The following NKD2 variants were observed in gnomAD, a reference collection of about 807,000 sequenced individuals.
NKD2 encodes NKD inhibitor of Wnt signaling pathway 2, also known as protein naked cuticle homolog 2.
In NKD2, 43 loss-of-function variants were observed where a neutral mutation model predicts 34.8. That is an observed-to-expected ratio of 1.24 (90% CI 0.97 to 1.60). NKD2 has a LOEUF of 1.60. NKD2 is among the 40% of genes most tolerant of loss of function. The pLI is 0.00. For synonymous variants in NKD2, 278 were observed against 265.1 expected (o/e 1.05, Z -0.47); for missense variants, 675 against 627.1 (o/e 1.08, Z -0.82).
At chr5:1,015,254 G>A (rs919109609) in intron 3 of NKD2, among the ~76,000 whole-genome samples, 1 of 152,238 alleles carries the variant, frequency 6.6e-6, no homozygotes, top group African/African-American at 2.4e-5. Context: ...CTGGTTGGCA[G>A]TGCCCACAGC....
chr5:1,022,340 G>C (rs1431571615), intron 3 of NKD2, among the ~76,000 whole-genome samples: 1 of 88,920 alleles, frequency 1.1e-5, no homozygotes, highest in African/African-American at 3.6e-5. Flanking sequence ...ACCCGCTGTG[G>C]GTGTCTCAGC....
At position 1,035,948 on chromosome 5, in the gene NKD2, C is replaced by A. The variant is rs1003212312; in HGVS notation, c.660-309C>A. On this transcript the variant is annotated intron_variant, in intron 8 of 9. Transcript: ENST00000296849. ...GGCTGGGTGGCTGGGGTGTGGCTGG[C>A]GCAGTGGCTACAGTGGTCCCAGAGT... 9.9e-6 allele frequency: 4 copies of A among 404,566 alleles called. No individual in the cohort carries two copies. The East Asian group carries it at 1.8e-4, about 18-fold the overall frequency. The allele number at this position is 404,566 out of a possible 1,614,324, so 25.1% of individuals were successfully genotyped here.
intron 3 of NKD2, among the ~76,000 whole-genome samples, chr5:1,028,365 G>T (rs1174746326): frequency 6.6e-6 from 1 of 152,206 alleles, no homozygotes; most frequent in Admixed American, 6.5e-5. Flanking sequence ...GCGAGGCTAT[G>T]GGTTCTGGTC....
At chr5:1,021,788 C>G (rs1012618743) in intron 3 of NKD2, among the ~76,000 whole-genome samples, 1 of 152,052 alleles carries the variant, frequency 6.6e-6, no homozygotes, top group Non-Finnish European at 1.5e-5. Flanking sequence ...GCAGGTTCCC[C>G]CCTCCCATGG....
chr5:1,009,142 T>G lies in NKD2; in HGVS notation c.26-37T>G. 1 of 536,346 alleles carries G rather than the reference T, an allele frequency of 1.9e-6. No homozygotes were observed. Among genetic ancestry groups the G allele is most frequent in the Non-Finnish European group, 3.3e-6 (1 of 300,480 alleles). The allele number at this position is 536,346 out of a possible 1,614,324, so 33.2% of individuals were successfully genotyped here. ...GGGCGGGCGTGGGGCCGCCTCTCAC[T>G]GTCGTTTTCCTCTCCCCGCGTCCCG... On this transcript the variant is annotated intron_variant, in intron 1 of 9. Coordinates refer to ENST00000296849, the MANE Select transcript of NKD2 (RefSeq NM_033120.4). The surrounding 1 kb of genome is among the most constrained non-coding windows in gnomAD (Gnocchi z 6.9).
chr5:1,035,815 C>T (rs1330137712), intron 8 of NKD2: 2 of 352,934 alleles, frequency 5.7e-6, no homozygotes, highest in Non-Finnish European at 1.0e-5. Flanking sequence ...GGGGCAGTGG[C>T]TGAGGGTGGC....
Position 1,038,630 on chromosome 5 carries a change from C to G in NKD2, c.*257C>G. On this transcript the variant is annotated 3_prime_UTR_variant, in exon 10 of 10. Coordinates refer to ENST00000296849, the MANE Select transcript of NKD2 (RefSeq NM_033120.4). The surrounding 1 kb of genome is among the most constrained non-coding windows in gnomAD (Gnocchi z 4.5). Reference sequence around the variant, plus strand: ...GAACACATCTGAAGCCACTATGTTTCCTGGCTCTAAGGCTCGTCTGTGTAA... The same window carrying G: ...GAACACATCTGAAGCCACTATGTTTGCTGGCTCTAAGGCTCGTCTGTGTAA... The G allele has an allele frequency of 2.8e-6, 2 of 720,980 alleles. No individual in the cohort carries two copies. Among genetic ancestry groups the G allele is most frequent in the Non-Finnish European group, 4.8e-6 (2 of 420,060 alleles). The allele number at this position is 720,980 out of a possible 1,614,324, so 44.7% of individuals were successfully genotyped here.
At chr5:1,017,667 C>T (rs1756012422) in intron 3 of NKD2, among the ~76,000 whole-genome samples, 1 of 102,318 alleles carries the variant, frequency 9.8e-6, no homozygotes, top group Non-Finnish European at 1.8e-5. Context: ...GAGCCCACAG[C>T]CCCCCACCAC....
At chr5:1,016,667 G>A (rs1289433570) in intron 3 of NKD2, among the ~76,000 whole-genome samples, 3 of 152,222 alleles carry the variant, frequency 2.0e-5, no homozygotes, top group Non-Finnish European at 4.4e-5. Context: ...AGGCACTCAC[G>A]TCGGTAGCTG....
At chr5:1,027,477 C>T (rs1756466060) in intron 3 of NKD2, among the ~76,000 whole-genome samples, 2 of 152,204 alleles carry the variant, frequency 1.3e-5, no homozygotes, top group African/African-American at 4.8e-5. Context: ...GCCTTCCTCT[C>T]TGTCTCTCTC....
intron 8 of NKD2, 183 bp downstream of exon 8, chr5:1,035,656 G>C (rs1041217410): frequency 7.0e-5 from 41 of 589,070 alleles, no homozygotes; most frequent in Admixed American, 5.7e-4. Flanking sequence ...CCCTGGCTGA[G>C]CTGGGCCCCC....
chr5:1,038,236 G>A lies in NKD2; in HGVS notation c.1219G>A (p.Glu407Lys). ...CCCACACGCTCAGCCTGCCACAGTG[G>A]AGCACGAGGTGGTGCGGGACCTGCC... ...KAPHAQPATV[E>K]HEVVRDLPPT... Residue 407 changes from glutamate to lysine, a missense_variant, in exon 10 of 10, where the codon GAG becomes AAG. Physicochemically the swap from Glu to Lys is moderately conservative, Grantham distance 56 (BLOSUM62 1). Transcript: ENST00000296849. This position sits in a 1 kb window ranked among gnomAD's most constrained non-coding sequence, Gnocchi z 4.5. 1.3e-6 allele frequency: 2 copies of A among 1,590,720 alleles called. No homozygotes were observed. Among genetic ancestry groups the A allele is most frequent in the Non-Finnish European group, 8.5e-7 (1 of 1,171,316 alleles).
rs1336618799 is a variant in NKD2 at position 1,009,099 on chromosome 5, T to G, written c.25+17T>G. ...CGAAGCACGGTGAGCCGCGGGCCGGTAGGGCGGGAGGGCGGGCGGGCGGGC... is the reference window on the plus strand; with the variant it reads ...CGAAGCACGGTGAGCCGCGGGCCGGGAGGGCGGGAGGGCGGGCGGGCGGGC... On this transcript the variant is annotated intron_variant, in intron 1 of 9. Coordinates refer to ENST00000296849, the MANE Select transcript of NKD2 (RefSeq NM_033120.4). The surrounding 1 kb of genome is among the most constrained non-coding windows in gnomAD (Gnocchi z 6.9). The G allele has an allele frequency of 4.5e-4, 64 of 142,944 alleles. 1 individual carries two copies. Among genetic ancestry groups the G allele is most frequent in the Admixed American group, 3.6e-3 (19 of 5,298 alleles). The allele number at this position is 142,944 out of a possible 1,614,324, so 8.9% of individuals were successfully genotyped here. A position where few individuals can be genotyped will look rare whatever the true frequency, so the allele number is the denominator to read the frequency against.
intron 4 of NKD2, among the ~76,000 whole-genome samples, chr5:1,033,153 G>A (rs1469244729): frequency 2.0e-5 from 3 of 152,218 alleles, no homozygotes; most frequent in Non-Finnish European, 2.9e-5. Context: ...TTGCAGTTGG[G>A]GGCCACCGTG....
At chr5:1,010,205 A>G (rs1465699059) in intron 3 of NKD2, among the ~76,000 whole-genome samples, 1 of 149,202 alleles carries the variant, frequency 6.7e-6, no homozygotes, top group Non-Finnish European at 1.5e-5. Context: ...AGAACTGTCC[A>G]GGTCTGGGGC....
In NKD2 at chr5:1,036,358, A is replaced by C; in HGVS notation, c.761A>C (p.Glu254Ala). The change falls in exon 9 of 10, where the codon GAG (glutamate) becomes GCG (alanine). Residue 254 changes from glutamate to alanine, a missense_variant. Glu to Ala is a moderately radical substitution (Grantham distance 107). Transcript: ENST00000296849. ...CACTACCTGGACCTCGCCGGGATTG[A>C]GAACTACACGTCCAGATTCGGCCCT... ...RNHYLDLAGI[E>A]NYTSRFGPGS... 1 of 1,612,968 alleles carries C rather than the reference A, an allele frequency of 6.2e-7. No individual in the cohort carries two copies. Among genetic ancestry groups the C allele is most frequent in the Non-Finnish European group, 8.5e-7 (1 of 1,179,828 alleles).
At chr5:1,016,436 G>A (rs748470497) in intron 3 of NKD2, among the ~76,000 whole-genome samples, 3 of 152,198 alleles carry the variant, frequency 2.0e-5, no homozygotes, top group African/African-American at 7.2e-5. Flanking sequence ...GGAGGGGGAG[G>A]GTTTGTTTTC....
intron 7 of NKD2, 82 bp downstream of exon 7, chr5:1,034,985 CAAGTGAGTGGATGGAG>C: frequency 7.6e-7 from 1 of 1,314,932 alleles, no homozygotes; most frequent in Non-Finnish European, 1.0e-6. Context: ...CAGGGAGGGA[CAAGTGAGTGGATGGAG>C]GAGTGAGTGG....
At chr5:1,018,175 C>T (rs1056669506) in intron 3 of NKD2, among the ~76,000 whole-genome samples, 4 of 152,274 alleles carry the variant, frequency 2.6e-5, no homozygotes, top group East Asian at 1.9e-4. Flanking sequence ...GAAGGAGCCA[C>T]GGGCACAGCC....
Sources: allele counts gnomAD v4.1 joint callset (sites outside exome capture counted in the v4.1 genomes callset), GRCh38; gene constraint gnomAD v4.1.1; non-coding constraint Gnocchi (gnomAD v3.1); transcripts MANE v1.5; gene names NCBI Gene and HGNC (gene_info 2026-07-23, HGNC 2026-07-21).